DPF3: variants seen among roughly 807,000 people sequenced by gnomAD.
The protein encoded by DPF3 is double PHD fingers 3, also known as zinc finger protein DPF3.
A neutral mutation model predicts 56.8 loss-of-function variants in DPF3; 18 were observed. The observed-to-expected ratio is 0.32, with a 90% CI of 0.22 to 0.47. The LOEUF is 0.47. Among genes scored for constraint, DPF3 ranks in the 20% least tolerant of loss-of-function variants. The pLI is 1.00. For missense variants in DPF3, 403 were observed against 488.8 expected, an observed-to-expected ratio of 0.82 and a Z score of 1.65; for synonymous variants, 188 against 180.2, an observed-to-expected ratio of 1.04 and a Z score of -0.35.
rs1887734926 is a variant in DPF3 at position 72,692,564 on chromosome 14, G to T, written c.742+512C>A. On this transcript the variant is annotated intron_variant, in intron 7 of 10. Coordinates refer to ENST00000556509, the MANE Select transcript of DPF3 (RefSeq NM_001280542.3). ...TGAATGCTGAAGCAAAGAACATGGG[G>T]TCTCCAGGCAGCATTTCTAAGGCAG... Among the ~76,000 whole-genome samples the T allele has an allele frequency of 2.0e-5, 3 of 152,196 alleles. No homozygotes were observed. The South Asian group carries it at 6.2e-4, about 32-fold the overall frequency.
intron 3 of DPF3, among the ~76,000 whole-genome samples, chr14:72,744,994 A>C (rs1294043414): frequency 1.3e-5 from 2 of 151,916 alleles, no homozygotes; most frequent in African/African-American, 2.4e-5. Context: ...CTTCAACAGT[A>C]CTAGGCAAAA....
chr14:72,845,104 C>A (rs1416788254), intron 1 of DPF3, among the ~76,000 whole-genome samples: 2 of 152,170 alleles, frequency 1.3e-5, no homozygotes, highest in Non-Finnish European at 2.9e-5. Context: ...GACCTTGTCT[C>A]TAAAAAGAAG....
intron 1 of DPF3, chr14:72,892,154 A>T: frequency 2.0e-6 from 3 of 1,534,858 alleles, no homozygotes; most frequent in Non-Finnish European, 2.6e-6. Context: ...AACCTGGTGC[A>T]CATGTGAAAT....
intron 8 of DPF3, among the ~76,000 whole-genome samples, chr14:72,666,416 C>A (rs75705646): frequency 0.013 from 1,962 of 152,286 alleles, 76 homozygotes; most frequent in East Asian, 0.083. Context: ...GACCTACAGG[C>A]ATTTTACTGA....
intron 7 of DPF3, among the ~76,000 whole-genome samples, chr14:72,689,530 C>T (rs929680488): frequency 2.0e-5 from 3 of 152,166 alleles, no homozygotes; most frequent in African/African-American, 4.8e-5. Flanking sequence ...AGGATGCTGC[C>T]GAGCTGTCAC....
Position 72,775,928 on chromosome 14 carries a change from G to A in DPF3, c.33-4035C>T, listed in dbSNP as rs531242046. On this transcript the variant is annotated intron_variant, in intron 1 of 10. Transcript: ENST00000556509. ...ATCAATGACTAGTTCTCCCTAACCC[G>A]TAGAAAGCAATTTAAACAGCAGAGG... 9.9e-5 allele frequency among the ~76,000 whole-genome samples: 15 copies of A among 150,890 alleles called. 1 individual carries two copies. In the South Asian group the frequency reaches 3.1e-3, roughly 32 times the overall value.
At chr14:72,627,731 T>C (rs1884918350) in intron 9 of DPF3, among the ~76,000 whole-genome samples, 1 of 152,164 alleles carries the variant, frequency 6.6e-6, no homozygotes, top group African/African-American at 2.4e-5. Context: ...ATTTATAAAT[T>C]AACTCAGGAA....
In DPF3 at chr14:72,714,420, T is replaced by C; in HGVS notation, c.604+3A>G. ...AAGGAAGGTGGGACCGGCCCATACTTACTGTCACAGACGTAAGGTTTGTCG... is the reference window on the plus strand; with the variant it reads ...AAGGAAGGTGGGACCGGCCCATACTCACTGTCACAGACGTAAGGTTTGTCG... On this transcript the variant is annotated splice_donor_region_variant and intron_variant, in intron 6 of 10. Coordinates refer to ENST00000556509, the MANE Select transcript of DPF3 (RefSeq NM_001280542.3). The C allele has an allele frequency of 1.9e-6, 3 of 1,613,798 alleles. No homozygotes were observed. The highest frequency in any genetic ancestry group is 2.5e-6 in the Non-Finnish European group (3 of 1,179,764).
At chr14:72,621,813 G>A (rs1162782922) in intron 9 of DPF3, among the ~76,000 whole-genome samples, 4 of 152,328 alleles carry the variant, frequency 2.6e-5, no homozygotes, top group Admixed American at 2.0e-4. Context: ...TGATAGGGAA[G>A]AAGCCAAGGA....
intron 8 of DPF3, among the ~76,000 whole-genome samples, chr14:72,642,815 G>C (rs1437745730): frequency 6.6e-6 from 1 of 152,204 alleles, no homozygotes; most frequent in African/African-American, 2.4e-5. Flanking sequence ...TAGAAAGTCA[G>C]AGGCTTCCTA....
At chr14:72,764,330 G>A (rs1891175969) in intron 2 of DPF3, among the ~76,000 whole-genome samples, 1 of 152,056 alleles carries the variant, frequency 6.6e-6, no homozygotes, top group Non-Finnish European at 1.5e-5. Context: ...AACATGTGGG[G>A]GTGCTGGGAG....
intron 1 of DPF3, among the ~76,000 whole-genome samples, chr14:72,858,736 T>C (rs1885267045): frequency 6.6e-6 from 1 of 152,220 alleles, no homozygotes; most frequent in Non-Finnish European, 1.5e-5. Context: ...ACATGCAAAG[T>C]ATTTCTGACA....
intron 2 of DPF3, among the ~76,000 whole-genome samples, chr14:72,764,327 G>T (rs550011787): frequency 2.0e-4 from 31 of 152,160 alleles, no homozygotes; most frequent in South Asian, 6.2e-4. Context: ...ATGAACATGT[G>T]GGGGTGCTGG....
chr14:72,817,688 C>A (rs1389911863), intron 1 of DPF3, among the ~76,000 whole-genome samples: 1 of 151,278 alleles, frequency 6.6e-6, no homozygotes, highest in African/African-American at 2.4e-5. Context: ...ACAACAAAAA[C>A]CACACACACA....
intron 3 of DPF3, among the ~76,000 whole-genome samples, chr14:72,751,709 A>G (rs1185643695): frequency 6.6e-6 from 1 of 152,236 alleles, no homozygotes; most frequent in Non-Finnish European, 1.5e-5. Context: ...GATGTTTTTG[A>G]TATGTTGGGT....
chr14:72,687,708 C>A (rs1246832010), intron 7 of DPF3, among the ~76,000 whole-genome samples: 1 of 152,202 alleles, frequency 6.6e-6, no homozygotes, highest in Non-Finnish European at 1.5e-5. Context: ...CCTTCTCATT[C>A]TCCAATGGCT....
intron 9 of DPF3, among the ~76,000 whole-genome samples, chr14:72,628,715 C>CAGAG (rs147026180): frequency 0.049 from 7,379 of 151,962 alleles, 375 homozygotes; most frequent in East Asian, 0.14. Flanking sequence ...GAAAAAGAGA[C>CAGAG]AGACAATCTG....
In DPF3 at chr14:72,893,707, G is replaced by T. The variant is rs535680160; in HGVS notation, c.32+350C>A. On this transcript the variant is annotated intron_variant, in intron 1 of 10. Coordinates refer to ENST00000556509, the MANE Select transcript of DPF3 (RefSeq NM_001280542.3). ...CCCCGAAGCCGCGCTCCCTGCCCGC[G>T]AGGCGGGGGACTCCGGGGACCGCGC... is the stretch of plus-strand genomic sequence containing the variant. 2.0e-5 allele frequency among the ~76,000 whole-genome samples: 3 copies of T among 151,202 alleles called. No individual in the cohort carries two copies. In the South Asian group the frequency reaches 6.2e-4, roughly 31 times the overall value.
chr14:72,737,090 G>A (rs532681944), intron 3 of DPF3, among the ~76,000 whole-genome samples: 15 of 151,288 alleles, frequency 9.9e-5, no homozygotes, highest in African/African-American at 2.9e-4. Flanking sequence ...TGTGCAAACC[G>A]AAGCAAATCG....
Sources: gnomAD v4.1 joint callset for allele counts (sites outside exome capture counted in the v4.1 genomes callset) on GRCh38, gnomAD v4.1.1 for gene constraint, MANE v1.5 for transcripts, NCBI Gene and HGNC (gene_info 2026-07-23, HGNC 2026-07-21) for gene names.